Variants in GLT1D1 observed in about 807,000 individuals in gnomAD.
GLT1D1 encodes glycosyltransferase 1 domain containing 1, also known as glycosyltransferase 1 domain-containing protein 1.
In GLT1D1, 21 loss-of-function variants were observed where a neutral mutation model predicts 28.7. The ratio of observed to expected loss-of-function variants is 0.73; its 90% confidence interval spans 0.52 to 1.05. GLT1D1 has a LOEUF of 1.05. Ranked by LOEUF, GLT1D1 falls within the 50% of genes least tolerant of loss-of-function variation. GLT1D1 has a pLI of 0.00. For synonymous variants in GLT1D1, 147 were observed against 124.8 expected, an observed-to-expected ratio of 1.18 and a Z score of -1.19; for missense variants, 343 against 330.6, an observed-to-expected ratio of 1.04 and a Z score of -0.29.
At position 128,876,013 on chromosome 12, in the gene GLT1D1, C is replaced by T. The variant is rs144231014; in HGVS notation, c.168C>T (p.Cys56=). The T allele has an allele frequency of 3.4e-5, 55 of 1,613,742 alleles. No individual in the cohort carries two copies. The African/African-American group carries it at 4.5e-4, about 13-fold the overall frequency. The change falls in exon 2 of 8, where the codon TGC becomes TGT. Residue 56 remains cysteine (C), a synonymous_variant. Coordinates refer to ENST00000281703, the MANE Select transcript of GLT1D1 (RefSeq NM_144669.3). The stretch of plus-strand genomic sequence containing the variant: ...CAAACCTCATCTTGGCTGAGAACTG[C>T]GAGGCTGCCCTGGCTCTTCATCTCT...
chr12:128,923,204 G>T (rs1180257986), intron 4 of GLT1D1, among the ~76,000 whole-genome samples: 1 of 152,174 alleles, frequency 6.6e-6, no homozygotes, highest in East Asian at 1.9e-4. Flanking sequence ...ATAGCATAGA[G>T]AAAATGAAAG....
chr12:128,968,507 C>A (rs1878709568), intron 7 of GLT1D1, among the ~76,000 whole-genome samples: 1 of 147,030 alleles, frequency 6.8e-6, no homozygotes, highest in African/African-American at 2.4e-5. Context: ...ACTAAAAATA[C>A]AAAAAATCAG....
chr12:128,874,124 C>CTCTCTCTCTT (rs1956807030), intron 1 of GLT1D1, among the ~76,000 whole-genome samples: 7 of 39,232 alleles, frequency 1.8e-4, no homozygotes, highest in African/African-American at 2.2e-4. Context: ...CTCTCTCTCT[C>CTCTCTCTCTT]TCTTTCTTTC....
At chr12:128,883,741 T>C (rs948955072) in intron 2 of GLT1D1, among the ~76,000 whole-genome samples, 3 of 152,176 alleles carry the variant, frequency 2.0e-5, no homozygotes, top group Non-Finnish European at 4.4e-5. Context: ...GTCAACTCAC[T>C]TGGAAAATAG....
chr12:128,881,545 AAAAAAAAAAAAAAAAAATATATATAT>A (rs1957046708), intron 2 of GLT1D1, among the ~76,000 whole-genome samples: 1 of 74,390 alleles, frequency 1.3e-5, no homozygotes, highest in Non-Finnish European at 2.5e-5. Context: ...AAAAAAAAAA[AAAAAAAAAAAAAAAAAATATATATAT>A]ATATATATAT....
At chr12:128,946,945 G>C (rs1160773994) in intron 5 of GLT1D1, among the ~76,000 whole-genome samples, 1 of 151,878 alleles carries the variant, frequency 6.6e-6, no homozygotes. Context: ...CACTGCACCC[G>C]GCCTATTTCT....
At chr12:128,938,524 G>A (rs1391024653) in intron 4 of GLT1D1, among the ~76,000 whole-genome samples, 1 of 152,130 alleles carries the variant, frequency 6.6e-6, no homozygotes, top group African/African-American at 2.4e-5. Flanking sequence ...AAGGAGCTGG[G>A]GTTTAATACA....
At chr12:128,906,255 T>A (rs1870857475) in intron 4 of GLT1D1, among the ~76,000 whole-genome samples, 1 of 152,244 alleles carries the variant, frequency 6.6e-6, no homozygotes, top group African/African-American at 2.4e-5. Context: ...GGATTTTGAT[T>A]TCTTGCTACA....
intron 4 of GLT1D1, chr12:128,926,430 C>T (rs1461959291): frequency 5.9e-6 from 9 of 1,527,846 alleles, no homozygotes; most frequent in Non-Finnish European, 7.0e-6. Flanking sequence ...TAAGGATCCT[C>T]TCTATCTGGT....
At chr12:128,874,110 C>G (rs28455603) in intron 1 of GLT1D1, among the ~76,000 whole-genome samples, 1 of 54,694 alleles carries the variant, frequency 1.8e-5, no homozygotes, top group African/African-American at 8.7e-5. Flanking sequence ...CTCTCTCTCT[C>G]TCTCTCTCTC....
intron 6 of GLT1D1, among the ~76,000 whole-genome samples, chr12:128,949,031 A>G (rs1876421006): frequency 6.6e-6 from 1 of 152,138 alleles, no homozygotes; most frequent in Non-Finnish European, 1.5e-5. Context: ...CACTAGTATT[A>G]ATCTCCATTG....
intron 2 of GLT1D1, among the ~76,000 whole-genome samples, chr12:128,881,153 G>T (rs1338631023): frequency 6.7e-6 from 1 of 150,330 alleles, no homozygotes; most frequent in East Asian, 2.0e-4. Flanking sequence ...GAACCCGGGA[G>T]GCGGAGCTTG....
rs192868841 is a variant in GLT1D1 at position 128,962,892 on chromosome 12, G to A, written c.639+5249G>A. Among the ~76,000 whole-genome samples, 345 of 152,138 alleles carry A rather than the reference G, an allele frequency of 2.3e-3. 2 individuals carry two copies. Among genetic ancestry groups the A allele is most frequent in the African/African-American group, 7.8e-3 (325 of 41,500 alleles). On this transcript the variant is annotated intron_variant, in intron 7 of 7. Transcript: ENST00000281703. ...AGTTTTGTATTTTATCAGTAGAGAC[G>A]GGTTTCACCATATTGGCCAGGCTGG...
chr12:128,924,484 A>G (rs2135912273), intron 4 of GLT1D1, among the ~76,000 whole-genome samples: 1 of 151,096 alleles, frequency 6.6e-6, no homozygotes, highest in East Asian at 1.9e-4. Flanking sequence ...TATTTTTTTG[A>G]GACATCTTGC....
chr12:128,897,915 C>T (rs1295085952), intron 3 of GLT1D1, among the ~76,000 whole-genome samples: 1 of 152,148 alleles, frequency 6.6e-6, no homozygotes. Flanking sequence ...GATCCGCCCG[C>T]CTTGGACTCC....
intron 4 of GLT1D1, chr12:128,930,552 A>G (rs942406382): frequency 3.3e-5 from 5 of 152,230 alleles, no homozygotes; most frequent in African/African-American, 1.2e-4. Context: ...TCTGTACAGC[A>G]TTAGCGTGTG....
chr12:128,916,654 T>A (rs1872141523), intron 4 of GLT1D1, among the ~76,000 whole-genome samples: 1 of 152,238 alleles, frequency 6.6e-6, no homozygotes. Context: ...CATTCATGTA[T>A]CTTGTTTCGT....
intron 4 of GLT1D1, among the ~76,000 whole-genome samples, chr12:128,936,915 G>C (rs1252135693): frequency 6.6e-6 from 1 of 152,104 alleles, no homozygotes; most frequent in African/African-American, 2.4e-5. Context: ...TGTTCCACGT[G>C]GCTTCACTAA....
At chr12:128,937,835 T>C (rs983155544) in intron 4 of GLT1D1, among the ~76,000 whole-genome samples, 4 of 152,192 alleles carry the variant, frequency 2.6e-5, no homozygotes, top group African/African-American at 9.7e-5. Context: ...CCTTCCACCA[T>C]GATTGTAAGT....
Sources: gnomAD v4.1 joint callset for allele counts (sites outside exome capture counted in the v4.1 genomes callset) on GRCh38, gnomAD v4.1.1 for gene constraint, MANE v1.5 for transcripts, NCBI Gene and HGNC (gene_info 2026-07-23, HGNC 2026-07-21) for gene names.